Variants in MIB2 observed in about 807,000 individuals in gnomAD.
MIB2 encodes E3 ubiquitin-protein ligase MIB2.
In MIB2, 78 loss-of-function variants were observed where a neutral mutation model predicts 96.6. The ratio of observed to expected loss-of-function variants is 0.81; its 90% confidence interval spans 0.67 to 0.97. MIB2 has a LOEUF of 0.97. MIB2 is among the 50% of genes least tolerant of loss of function. The probability of loss-of-function intolerance (pLI) is 0.00; values close to 1 mark genes in which losing one functional copy is unlikely to be tolerated. For synonymous variants in MIB2, 820 were observed against 629.5 expected, an observed-to-expected ratio of 1.30 and a Z score of -4.53; for missense variants, 1,543 against 1,424.0, an observed-to-expected ratio of 1.08 and a Z score of -1.35.
upstream of MIB2, chr1:1,615,376 C>A: frequency 7.0e-7 from 1 of 1,423,490 alleles, no homozygotes; most frequent in Non-Finnish European, 9.1e-7. Flanking sequence ...CCTAGCTGCG[C>A]CACGCAGGGT....
Position 1,628,687 on chromosome 1 carries a change from G to C in MIB2, c.2167G>C (p.Gly723Arg), listed in dbSNP as rs762387286. Residue 723 changes from glycine to arginine, a missense_variant, in exon 16 of 20, where the codon GGG becomes CGG. Coordinates refer to ENST00000355826, the MANE Select transcript of MIB2 (RefSeq NM_001170687.4). The part of the protein sequence containing the change: ...QLLPLVADGA[G>R]GDPGPLQLLS... Reference sequence around the variant, plus strand: ...GCTGCCCCTGGTGGCTGATGGGGCCGGGGGGGACCCAGGGCCCTTGCAGCT... The same window carrying C: ...GCTGCCCCTGGTGGCTGATGGGGCCCGGGGGGACCCAGGGCCCTTGCAGCT... 73 of 1,563,324 alleles carry C rather than the reference G, an allele frequency of 4.7e-5. No homozygotes were observed. Among genetic ancestry groups the C allele is most frequent in the South Asian group, 2.3e-4 (20 of 85,980 alleles).
At chr1:1,628,899 G>T in intron 16 of MIB2, 177 bp downstream of exon 16, 2 of 731,076 alleles carry the variant, frequency 2.7e-6, no homozygotes, top group Non-Finnish European at 4.3e-6. Context: ...TGCACCCCTA[G>T]GCAGCCTGGG....
At chr1:1,620,137 G>A (rs1170285858) in intron 2 of MIB2, among the ~76,000 whole-genome samples, 4 of 152,214 alleles carry the variant, frequency 2.6e-5, no homozygotes, top group African/African-American at 9.6e-5. Flanking sequence ...CTCACACATG[G>A]GGCACCCTGC....
chr1:1,626,590 C>G lies in MIB2; in HGVS notation c.973-60C>G, dbSNP rs569923114. 137 of 1,402,402 alleles carry G rather than the reference C, an allele frequency of 9.8e-5. No individual in the cohort carries two copies. The East Asian group carries it at 2.2e-3, about 23-fold the overall frequency. 86.9% of individuals were successfully genotyped at this position (1,402,402 alleles called of 1,614,324 possible). On this transcript the variant is annotated intron_variant, in intron 8 of 19. Transcript: ENST00000355826. This position sits in a 1 kb window ranked among gnomAD's most constrained non-coding sequence, Gnocchi z 5.3. ...AGCTCAGCAGGTTGCCCTCCTGTTG[C>G]ATGAGCCTGGGCAGCCACACACAGC...
intron 19 of MIB2, 139 bp from the exon 20 acceptor site, chr1:1,630,153 A>AACCC: frequency 1.0e-5 from 4 of 386,578 alleles, no homozygotes; most frequent in Admixed American, 4.8e-5. Context: ...CCTCCAAATC[A>AACCC]CCCACCCCGC....
intron 2 of MIB2, chr1:1,618,617 G>A (rs1643960785): frequency 6.6e-6 from 1 of 152,292 alleles, no homozygotes; most frequent in South Asian, 2.1e-4. Context: ...ACCCAGCCCA[G>A]AACCTGTCCC....
chr1:1,624,385 G>A (rs1464761812), intron 4 of MIB2, among the ~76,000 whole-genome samples: 4 of 152,174 alleles, frequency 2.6e-5, no homozygotes, highest in Non-Finnish European at 5.9e-5. Context: ...TCTTGGGAGT[G>A]CTGTTGGCCA....
rs577494000 is a variant in MIB2, at chr1:1,619,597, G to A, written c.-23+2983G>A. ...AAGTGGGACAGACCCCAGACCCTTG[G>A]GGTGGGGGCCCTGCAGGGGAGGCCT... On this transcript the variant is annotated intron_variant, in intron 2 of 19. Transcript: ENST00000355826. Among the ~76,000 whole-genome samples the A allele has an allele frequency of 1.2e-4, 19 of 152,342 alleles. No homozygotes were observed. In the South Asian group the frequency reaches 3.7e-3, roughly 30 times the overall value.
Position 1,625,762 on chromosome 1 carries a change from G to A in MIB2, c.972+109G>A, listed in dbSNP as rs1405958638. 21 of 868,398 alleles carry A rather than the reference G, an allele frequency of 2.4e-5. No individual in the cohort carries two copies. Among genetic ancestry groups the A allele is most frequent in the South Asian group, 9.5e-5 (6 of 63,078 alleles). The allele number at this position is 868,398 out of a possible 1,614,324, so 53.8% of individuals were successfully genotyped here. On this transcript the variant is annotated intron_variant, in intron 8 of 19. Transcript: ENST00000355826. This position sits in a 1 kb window ranked among gnomAD's most constrained non-coding sequence, Gnocchi z 5.0. ...GGACTAGGGTGCCAGCTGCACCCACGAGTCCCCAGCCCTGAAGGAAGGGGA... is the reference window on the plus strand; with the variant it reads ...GGACTAGGGTGCCAGCTGCACCCACAAGTCCCCAGCCCTGAAGGAAGGGGA...
rs377287301 is a variant in MIB2, at chr1:1,625,070, G to T, written c.606G>T (p.Thr202=). ...CAGGCCGGAGTGTGGCCAGCGTGACGTGGGCTGATGGTACCACCAATGTGT... is the reference window on the plus strand; with the variant it reads ...CAGGCCGGAGTGTGGCCAGCGTGACTTGGGCTGATGGTACCACCAATGTGT... ...VETGRSVASV[T]WADGTTNVYR... Residue 202 remains threonine, a synonymous_variant, in exon 6 of 20, where the codon ACG becomes ACT. Coordinates refer to ENST00000355826, the MANE Select transcript of MIB2 (RefSeq NM_001170687.4). The surrounding 1 kb of genome is among the most constrained non-coding windows in gnomAD (Gnocchi z 5.0). 59 of 1,613,162 alleles carry T rather than the reference G, an allele frequency of 3.7e-5. No individual in the cohort carries two copies. Among genetic ancestry groups the T allele is most frequent in the Non-Finnish European group, 4.8e-5 (57 of 1,180,004 alleles).
Position 1,625,973 on chromosome 1 carries a change from T to C in MIB2, c.972+320T>C, listed in dbSNP as rs1402485105. 4.7e-6 allele frequency: 2 copies of C among 425,462 alleles called. No homozygotes were observed. The highest frequency in any genetic ancestry group is 8.7e-5 in the East Asian group (2 of 22,990). 26.4% of individuals were successfully genotyped at this position (425,462 alleles called of 1,614,324 possible). A position where few individuals can be genotyped will look rare whatever the true frequency, so the allele number is the denominator to read the frequency against. ...GGCGGCTGGGCTAAGATGCTCCTGGTTAGTGCTGTATGGGGGCCGATGGGG... is the reference window on the plus strand; with the variant it reads ...GGCGGCTGGGCTAAGATGCTCCTGGCTAGTGCTGTATGGGGGCCGATGGGG... On this transcript the variant is annotated intron_variant, in intron 8 of 19. Coordinates refer to ENST00000355826, the MANE Select transcript of MIB2 (RefSeq NM_001170687.4). This position sits in a 1 kb window ranked among gnomAD's most constrained non-coding sequence, Gnocchi z 5.0.
chr1:1,620,675 G>A (rs987496961), intron 2 of MIB2, among the ~76,000 whole-genome samples: 3 of 152,086 alleles, frequency 2.0e-5, no homozygotes, highest in Admixed American at 2.0e-4. Context: ...CTGTGTAGAG[G>A]AGGCTGGAGT....
At position 1,627,305 on chromosome 1, in the gene MIB2, A is replaced by G. The variant is rs747059620; in HGVS notation, c.1384A>G (p.Lys462Glu). 1 of 1,613,182 alleles carries G rather than the reference A, an allele frequency of 6.2e-7. No homozygotes were observed. The highest frequency in any genetic ancestry group is 1.1e-5 in the South Asian group (1 of 91,088). ...LRRRPEQVDT[K>E]NQGRTALQVA... The stretch of plus-strand genomic sequence containing the variant: ...CTGGCACTCTTGGCAGGTGGACACC[A>G]AGAACCAAGGCAGGACCGCTCTGCA... Residue 462 changes from lysine (K) to glutamate (E), a missense_variant, in exon 12 of 20, where the codon AAG (lysine) becomes GAG (glutamate). Transcript: ENST00000355826.
At chr1:1,621,019 T>C (rs527690994) in intron 2 of MIB2, among the ~76,000 whole-genome samples, 294 of 152,364 alleles carry the variant, frequency 1.9e-3, no homozygotes, top group African/African-American at 6.0e-3. Context: ...CGGCCTGTGC[T>C]GGGCGGGTCC....
At chr1:1,622,054 A>G (rs1557571484) in intron 2 of MIB2, among the ~76,000 whole-genome samples, 1 of 152,188 alleles carries the variant, frequency 6.6e-6, no homozygotes, top group Non-Finnish European at 1.5e-5. Flanking sequence ...GCCCAGGTGG[A>G]GGGCTGGCCT....
chr1:1,630,503 C>T lies in MIB2; in HGVS notation c.2841C>T (p.Ile947=). 5.0e-6 allele frequency: 8 copies of T among 1,592,142 alleles called. No individual in the cohort carries two copies. The highest frequency in any genetic ancestry group is 1.3e-5 in the African/African-American group (1 of 74,134). The change falls in exon 20 of 20, where the codon ATC becomes ATT. Residue 947 remains isoleucine (I), a synonymous_variant. Coordinates refer to ENST00000355826, the MANE Select transcript of MIB2 (RefSeq NM_001170687.4). ...CCTGCCCCATCTGCCGCCAGCCCAT[C>T]CGCGACCGCATCCAGATCTTCGTGT... ...LSACPICRQP[I]RDRIQIFV
chr1:1,616,192 C>T, intron 1 of MIB2: 1 of 820,682 alleles, frequency 1.2e-6, no homozygotes, highest in Middle Eastern at 6.0e-4. Flanking sequence ...GGGGCGCGCT[C>T]CGGGTGGGGG....
chr1:1,622,175 C>T (rs538853498), intron 2 of MIB2, among the ~76,000 whole-genome samples: 80 of 152,356 alleles, frequency 5.3e-4, no homozygotes, highest in Non-Finnish European at 9.6e-4. Context: ...GCCGTGTCCC[C>T]CACCTCTGCT....
intron 17 of MIB2, 21 bp downstream of exon 17, chr1:1,629,332 G>C (rs61774907): frequency 2.1e-6 from 3 of 1,455,988 alleles, no homozygotes; most frequent in Non-Finnish European, 2.7e-6. Flanking sequence ...GGACGGCGGG[G>C]ATGGGGTCCG....
Sources: allele counts gnomAD v4.1 joint callset (sites outside exome capture counted in the v4.1 genomes callset), GRCh38; gene constraint gnomAD v4.1.1; non-coding constraint Gnocchi (gnomAD v3.1); transcripts MANE v1.5; gene names NCBI Gene and HGNC (gene_info 2026-07-23, HGNC 2026-07-21).